Variants in PLCH1 observed in about 807,000 individuals in gnomAD.
The protein encoded by PLCH1 is 1-phosphatidylinositol 4,5-bisphosphate phosphodiesterase eta-1.
Under a neutral mutation model 126.7 loss-of-function variants are expected in PLCH1, and 60 were observed. That is an observed-to-expected ratio of 0.47 (90% CI 0.38 to 0.59). The LOEUF (loss-of-function observed/expected upper bound fraction) is 0.59. PLCH1 is among the 20% of genes least tolerant of loss of function. The pLI is 0.00. For missense variants in PLCH1, 1,723 were observed against 2,040.0 expected (o/e 0.84, Z 2.99); for synonymous variants, 719 against 734.9 (o/e 0.98, Z 0.35).
intron 8 of PLCH1, among the ~76,000 whole-genome samples, chr3:155,561,198 T>G (rs1183279108): frequency 2.6e-5 from 4 of 151,820 alleles, no homozygotes; most frequent in African/African-American, 9.7e-5. Context: ...TAGTTACATA[T>G]GTATACATGT....
chr3:155,549,178 A>G (rs2108444666), intron 10 of PLCH1, among the ~76,000 whole-genome samples: 1 of 152,320 alleles, frequency 6.6e-6, no homozygotes, highest in Admixed American at 6.5e-5. Context: ...TATTCTTTGC[A>G]TGAATAATAT....
chr3:155,458,176 T>C (rs1326415985), intron 21 of PLCH1, among the ~76,000 whole-genome samples: 1 of 151,674 alleles, frequency 6.6e-6, no homozygotes, highest in African/African-American at 2.4e-5. Flanking sequence ...ACCCCATCTC[T>C]ACCAAAAATA....
intron 12 of PLCH1, among the ~76,000 whole-genome samples, 158 bp downstream of exon 12, chr3:155,514,565 T>C (rs924493460): frequency 1.3e-5 from 2 of 152,248 alleles, no homozygotes; most frequent in Non-Finnish European, 2.9e-5. Flanking sequence ...CTTTTAACTA[T>C]TTCTCATATC....
chr3:155,493,289 C>T (rs1044726486), intron 17 of PLCH1, among the ~76,000 whole-genome samples: 1 of 152,168 alleles, frequency 6.6e-6, no homozygotes, highest in Non-Finnish European at 1.5e-5. Context: ...ACTTTTTTAT[C>T]TGAATTGTTA....
chr3:155,503,844 T>C (rs564423491), intron 13 of PLCH1, among the ~76,000 whole-genome samples: 145 of 152,240 alleles, frequency 9.5e-4, no homozygotes, highest in Admixed American at 2.6e-3. Flanking sequence ...GGCCTATTTC[T>C]GTCTTTTGAC....
chr3:155,489,391 C>A (rs935840783), intron 19 of PLCH1, among the ~76,000 whole-genome samples: 1 of 151,996 alleles, frequency 6.6e-6, no homozygotes, highest in Non-Finnish European at 1.5e-5. Context: ...ATATATATTA[C>A]TGACTTTCAA....
chr3:155,491,405 A>C (rs1399854031), intron 18 of PLCH1, among the ~76,000 whole-genome samples: 2 of 152,010 alleles, frequency 1.3e-5, no homozygotes, highest in East Asian at 1.9e-4. Context: ...CTGGGACTAT[A>C]GGATTGTGCA....
At position 155,511,597 on chromosome 3, in the gene PLCH1, T is replaced by C. The variant is rs1576868974; in HGVS notation, c.1632+3126A>G. Among the ~76,000 whole-genome samples the C allele has an allele frequency of 1.4e-5, 2 of 139,176 alleles. 1 individual carries two copies. Among genetic ancestry groups the C allele is most frequent in the Non-Finnish European group, 3.0e-5 (2 of 65,782 alleles). The allele number at this position is 139,176 out of a possible 152,430, so 91.3% of individuals were successfully genotyped here. A position where few individuals can be genotyped will look rare whatever the true frequency, so the allele number is the denominator to read the frequency against. ...CAGACAGGACCCTCAGCTGCAGGTC[T>C]GTTGGAATACCCTGTGTGAGGTGTC... On this transcript the variant is annotated intron_variant, in intron 12 of 22. Transcript: ENST00000460012.
intron 5 of PLCH1, among the ~76,000 whole-genome samples, chr3:155,585,631 T>G (rs1263226748): frequency 6.6e-6 from 1 of 152,214 alleles, no homozygotes; most frequent in Non-Finnish European, 1.5e-5. Flanking sequence ...AGGAGTGAAT[T>G]GCCCTCCTAA....
At chr3:155,701,952 T>C (rs1047326864) in intron 2 of PLCH1, among the ~76,000 whole-genome samples, 1 of 152,236 alleles carries the variant, frequency 6.6e-6, no homozygotes. Flanking sequence ...TGCTGTATTA[T>C]AAATGAATAG....
downstream of PLCH1, among the ~76,000 whole-genome samples, chr3:155,478,531 A>G (rs1451644351): frequency 6.6e-6 from 1 of 152,154 alleles, no homozygotes; most frequent in Non-Finnish European, 1.5e-5. Flanking sequence ...ACATATATGC[A>G]CCTACTGTGT....
At chr3:155,583,239 G>A (rs759690434) in intron 6 of PLCH1, among the ~76,000 whole-genome samples, 6 of 151,722 alleles carry the variant, frequency 4.0e-5, no homozygotes, top group Non-Finnish European at 8.8e-5. Context: ...AGGCATATCT[G>A]TACTCAATAC....
At position 155,593,923 on chromosome 3, in the gene PLCH1, A is replaced by ATATCCT. The variant is rs778044314; in HGVS notation, c.470+17_470+18insAGGATA. The ATATCCT allele has an allele frequency of 2.5e-6, 4 of 1,611,976 alleles. No homozygotes were observed. Among genetic ancestry groups the ATATCCT allele is most frequent in the Non-Finnish European group, 3.4e-6 (4 of 1,178,526 alleles). On this transcript the variant is annotated intron_variant, in intron 4 of 22. Transcript: ENST00000460012. ...AGAGAGCAAGAGAGAGCTGAAAATA[A>ATATCCT]AGTTCTAGAAAGGATATTGGTCATG...
At chr3:155,683,880 T>C (rs358900) in intron 2 of PLCH1, among the ~76,000 whole-genome samples, 69,392 of 152,054 alleles carry the variant, frequency 0.46, 19,234 homozygotes, top group African/African-American at 0.76. Flanking sequence ...TTTACCTCCT[T>C]CCTTGGGAGG....
chr3:155,693,658 G>C (rs1246189236), intron 2 of PLCH1, among the ~76,000 whole-genome samples: 1 of 152,146 alleles, frequency 6.6e-6, no homozygotes, highest in African/African-American at 2.4e-5. Context: ...GGCTGGATGT[G>C]GTGGCTCATG....
At chr3:155,550,896 C>T (rs565037523) in intron 9 of PLCH1, among the ~76,000 whole-genome samples, 5 of 152,256 alleles carry the variant, frequency 3.3e-5, no homozygotes, top group Admixed American at 2.0e-4. Context: ...GGGCTATGAC[C>T]GCCAGACCTA....
rs1490596511 is a variant in PLCH1 at position 155,635,946 on chromosome 3, T to C, written c.80-39568A>G. 3.7e-4 allele frequency among the ~76,000 whole-genome samples: 57 copies of C among 152,252 alleles called. 1 individual carries two copies. Among genetic ancestry groups the C allele is most frequent in the Non-Finnish European group, 2.9e-5 (2 of 68,044 alleles). Reference sequence around the variant, plus strand: ...GCAGTAAAATTAGTTTATTTAGCAATTGAATAATTCATTGAAAATCCAAGT... The same window carrying C: ...GCAGTAAAATTAGTTTATTTAGCAACTGAATAATTCATTGAAAATCCAAGT... On this transcript the variant is annotated intron_variant, in intron 2 of 22. Transcript: ENST00000460012.
chr3:155,505,009 AG>A (rs1246749052), intron 12 of PLCH1, among the ~76,000 whole-genome samples: 4 of 152,218 alleles, frequency 2.6e-5, no homozygotes, highest in Admixed American at 6.5e-5. Flanking sequence ...TTTTCAGTTA[AG>A]TAGGGATTCA....
intron 2 of PLCH1, among the ~76,000 whole-genome samples, chr3:155,698,231 T>C (rs1745982569): frequency 6.6e-6 from 1 of 152,194 alleles, no homozygotes; most frequent in Non-Finnish European, 1.5e-5. Context: ...ACAAATGGAA[T>C]GCTCATCATA....
Sources: allele counts gnomAD v4.1 joint callset (sites outside exome capture counted in the v4.1 genomes callset), GRCh38; gene constraint gnomAD v4.1.1; transcripts MANE v1.5; gene names NCBI Gene and HGNC (gene_info 2026-07-23, HGNC 2026-07-21).